BRWD3: variants seen among roughly 807,000 people sequenced by gnomAD.
BRWD3 encodes bromodomain and WD repeat-containing protein 3.
A neutral mutation model predicts 149.7 loss-of-function variants in BRWD3; 10 were observed. The observed-to-expected ratio is 0.07, with a 90% CI of 0.04 to 0.11. The LOEUF is 0.11. Ranked by LOEUF, BRWD3 falls within the 10% of genes least tolerant of loss-of-function variation. The pLI is 1.00. For missense variants in BRWD3, 940 were observed against 1,373.2 expected (o/e 0.68, Z 4.99); for synonymous variants, 504 against 456.7 (o/e 1.10, Z -1.32).
In BRWD3 at chrX:80,728,742, A is replaced by G. The variant is rs1381933757; in HGVS notation, c.1386+10T>C. On this transcript the variant is annotated intron_variant, in intron 14 of 40. Transcript: ENST00000373275. Reference sequence around the variant, plus strand: ...GACCATTTTAATTACTCTAAAAATAAAATACTTACAGATAATGTATGAAGA... The same window carrying G: ...GACCATTTTAATTACTCTAAAAATAGAATACTTACAGATAATGTATGAAGA... The G allele has an allele frequency of 8.4e-7, 1 of 1,185,449 alleles. No homozygotes were observed. The highest frequency in any genetic ancestry group is 2.3e-5 in the Admixed American group (1 of 44,138).
At chrX:80,742,579 G>T (rs2073530205) in intron 8 of BRWD3, among the ~76,000 whole-genome samples, 1 of 110,064 alleles carries the variant, frequency 9.1e-6, no homozygotes, top group African/African-American at 3.3e-5. Flanking sequence ...TCATTGAGCA[G>T]TGGTTTGCAG....
intron 6 of BRWD3, among the ~76,000 whole-genome samples, chrX:80,782,016 T>C (rs1277565225): frequency 8.9e-6 from 1 of 111,733 alleles, no homozygotes; most frequent in Non-Finnish European, 1.9e-5. Context: ...TCCTAAAATG[T>C]ATATGGAACC....
intron 7 of BRWD3, 67 bp from the exon 8 acceptor site, chrX:80,744,320 T>C (rs1176087251): frequency 1.3e-5 from 11 of 833,313 alleles, no homozygotes; most frequent in Non-Finnish European, 2.0e-5. Context: ...ACCCAAAAAA[T>C]AGCCAAAAAG....
At chrX:80,736,259 TA>T (rs1205138349) in intron 8 of BRWD3, among the ~76,000 whole-genome samples, 171 bp from the exon 9 acceptor site, 2 of 111,827 alleles carry the variant, frequency 1.8e-5, no homozygotes, top group African/African-American at 3.2e-5. Flanking sequence ...AAATACCTTA[TA>T]AAAAATTTAA....
rs779059081 is a variant in BRWD3 at position 80,790,509 on chromosome X, A to G, written c.430+1345T>C. Among the ~76,000 whole-genome samples, 3 of 111,911 alleles carry G rather than the reference A, an allele frequency of 2.7e-5. No individual in the cohort carries two copies. In the Admixed American group the frequency reaches 2.9e-4, roughly 11 times the overall value. On this transcript the variant is annotated intron_variant, in intron 6 of 40. Transcript: ENST00000373275. Reference sequence around the variant, plus strand: ...CCAGATTTAAAATGAATTTAAAAACATCAGTGCCAGGGCCATGACAATTCC... The same window carrying G: ...CCAGATTTAAAATGAATTTAAAAACGTCAGTGCCAGGGCCATGACAATTCC...
At chrX:80,731,392 T>C (rs901404290) in intron 12 of BRWD3, among the ~76,000 whole-genome samples, 1 of 111,558 alleles carries the variant, frequency 9.0e-6, no homozygotes, top group Non-Finnish European at 1.9e-5. Context: ...GAAAGAACAG[T>C]AGCTATACTA....
At chrX:80,713,416 T>A (rs190963259) in intron 20 of BRWD3, among the ~76,000 whole-genome samples, 3,813 of 111,920 alleles carry the variant, frequency 0.034, 80 homozygotes, top group South Asian at 0.16. Flanking sequence ...CTCTGAAACA[T>A]GTGCTGTGTC....
At chrX:80,679,799 G>A (rs1450848806) in intron 40 of BRWD3, among the ~76,000 whole-genome samples, 1 of 111,314 alleles carries the variant, frequency 9.0e-6, no homozygotes, top group African/African-American at 3.3e-5. Context: ...GCTTTTGAAG[G>A]GTGGTCGGGA....
At chrX:80,752,240 C>T (rs1025464238) in intron 6 of BRWD3, among the ~76,000 whole-genome samples, 1 of 109,999 alleles carries the variant, frequency 9.1e-6, no homozygotes, top group African/African-American at 3.3e-5. Context: ...TCTTGAATTC[C>T]TGGGCTCAAG....
At chrX:80,696,895 T>G (rs748972014) in intron 25 of BRWD3, 32 bp from the exon 26 acceptor site, 1 of 1,074,203 alleles carries the variant, frequency 9.3e-7, no homozygotes, top group Admixed American at 2.3e-5. Context: ...AATTATTACT[T>G]TCAATATAAT....
intron 15 of BRWD3, 82 bp downstream of exon 15, chrX:80,724,851 C>T: frequency 9.4e-7 from 1 of 1,059,039 alleles, no homozygotes; most frequent in East Asian, 3.0e-5. Context: ...TTCCTCTGCA[C>T]TAGGTATACT....
intron 26 of BRWD3, among the ~76,000 whole-genome samples, 198 bp downstream of exon 26, chrX:80,696,519 TACACACACACACACACACACAC>T (rs560341387): frequency 1.2e-5 from 1 of 82,173 alleles, no homozygotes; most frequent in Non-Finnish European, 2.4e-5. Flanking sequence ...ATAACATAAA[TACACACACACACACACACACAC>T]ACACACACAC....
rs2073980208 is a variant in BRWD3 at position 80,774,459 on chromosome X, G to A, written c.430+17395C>T. 2.8e-5 allele frequency among the ~76,000 whole-genome samples: 3 copies of A among 108,982 alleles called. No homozygotes were observed. In the Admixed American group the frequency reaches 3.0e-4, roughly 11 times the overall value. 94.6% of individuals were successfully genotyped at this position (108,982 alleles called of 115,157 possible). A position where few individuals can be genotyped will look rare whatever the true frequency, so the allele number is the denominator to read the frequency against. On this transcript the variant is annotated intron_variant, in intron 6 of 40. Coordinates refer to ENST00000373275, the MANE Select transcript of BRWD3 (RefSeq NM_153252.5). ...TCCAGGTTCCTTCAGATTCTATCCA[G>A]GTCTCTCTTCTCCATCCTCACACAG...
chrX:80,675,105 T>C lies in BRWD3; in HGVS notation c.*1504A>G, dbSNP rs1180780719. On this transcript the variant is annotated 3_prime_UTR_variant, in exon 41 of 41. Transcript: ENST00000373275. Reference sequence around the variant, plus strand: ...ATCTAACAAATGAACAAATCTGTAATATTAAATTTGGGGAGTAAAACTGAC... The same window carrying C: ...ATCTAACAAATGAACAAATCTGTAACATTAAATTTGGGGAGTAAAACTGAC... 9.0e-6 allele frequency: 1 copy of C among 111,671 alleles called. No individual in the cohort carries two copies. Among genetic ancestry groups the C allele is most frequent in the African/African-American group, 3.2e-5 (1 of 30,792 alleles). The allele number at this position is 111,671 out of a possible 1,213,427, so 9.2% of individuals were successfully genotyped here.
intron 20 of BRWD3, among the ~76,000 whole-genome samples, chrX:80,714,274 C>G (rs2147739787): frequency 1.2e-5 from 1 of 86,733 alleles, no homozygotes. Context: ...GTTGCGCAGG[C>G]TAGAATGCAA....
intron 24 of BRWD3, among the ~76,000 whole-genome samples, chrX:80,703,042 C>A (rs1385063339): frequency 9.0e-6 from 1 of 110,952 alleles, no homozygotes; most frequent in African/African-American, 3.3e-5. Context: ...GAAAGAAAGA[C>A]CTGTTTGCAA....
intron 21 of BRWD3, 53 bp downstream of exon 21, chrX:80,709,375 T>C (rs2072923348): frequency 6.3e-6 from 7 of 1,105,390 alleles, no homozygotes; most frequent in Admixed American, 2.2e-5. Flanking sequence ...AAATGGATGA[T>C]ACAAACTGGG....
chrX:80,733,987 A>T, intron 11 of BRWD3, 131 bp downstream of exon 11: 1 of 514,211 alleles, frequency 1.9e-6, no homozygotes, highest in Non-Finnish European at 3.5e-6. Context: ...GTATAGTAGT[A>T]ATGACAAGAG....
At chrX:80,682,776 C>T (rs759199855) in intron 37 of BRWD3, 148 bp from the exon 38 acceptor site, 51 of 531,247 alleles carry the variant, frequency 9.6e-5, no homozygotes, top group African/African-American at 1.4e-4. Flanking sequence ...AGTAAGATAC[C>T]ATTTTCACCT....
Sources: gnomAD v4.1 joint callset for allele counts (sites outside exome capture counted in the v4.1 genomes callset) on GRCh38, gnomAD v4.1.1 for gene constraint, MANE v1.5 for transcripts, NCBI Gene and HGNC (gene_info 2026-07-23, HGNC 2026-07-21) for gene names.